The following ADAM18 variants were observed in gnomAD, a reference collection of about 807,000 sequenced individuals.
The protein encoded by ADAM18 is disintegrin and metalloproteinase domain-containing protein 18.
In ADAM18, 117 loss-of-function variants were observed where a neutral mutation model predicts 94.4. The observed-to-expected ratio is 1.24, with a 90% CI of 1.07 to 1.45. The LOEUF (loss-of-function observed/expected upper bound fraction) is 1.45. Ranked by LOEUF, ADAM18 falls within the 40% of genes most tolerant of loss-of-function variation. ADAM18 has a pLI of 0.00. For missense variants in ADAM18, 936 were observed against 880.0 expected (o/e 1.06, Z -0.81); for synonymous variants, 327 against 291.6 (o/e 1.12, Z -1.24).
chr8:39,658,457 T>A (rs552713254), intron 12 of ADAM18, among the ~76,000 whole-genome samples: 1 of 152,240 alleles, frequency 6.6e-6, no homozygotes, highest in Admixed American at 6.5e-5. Context: ...CTTTACTGGC[T>A]TTAAAGATAG....
intron 2 of ADAM18, chr8:39,605,704 ATTTTATTTTAT>A (rs941879282): frequency 4.4e-6 from 1 of 228,390 alleles, no homozygotes; most frequent in African/African-American, 2.3e-5. Context: ...TTTCATTTTT[ATTTTATTTTAT>A]TTTTATTTAT....
At chr8:39,673,566 T>G (rs1329534809) in intron 14 of ADAM18, among the ~76,000 whole-genome samples, 8 of 151,540 alleles carry the variant, frequency 5.3e-5, no homozygotes, top group Admixed American at 6.6e-5. Context: ...GAACATGCAG[T>G]GTCTGGTTTT....
intron 16 of ADAM18, among the ~76,000 whole-genome samples, chr8:39,681,439 C>G (rs1821456158): frequency 1.3e-5 from 2 of 152,106 alleles, no homozygotes. Context: ...GCAGAGAACC[C>G]AGATAAGATG....
intron 6 of ADAM18, among the ~76,000 whole-genome samples, chr8:39,620,765 A>C (rs184051634): frequency 1.3e-5 from 2 of 151,806 alleles, no homozygotes; most frequent in Non-Finnish European, 2.9e-5. Flanking sequence ...AGTCAGACAC[A>C]GAAAGATAAA....
At chr8:39,614,571 A>C (rs1489457164) in intron 6 of ADAM18, among the ~76,000 whole-genome samples, 1 of 152,204 alleles carries the variant, frequency 6.6e-6, no homozygotes, top group African/African-American at 2.4e-5. Flanking sequence ...AATCTTCTTA[A>C]CAGCCAGCTA....
At chr8:39,587,456 T>C (rs575200174) in intron 2 of ADAM18, among the ~76,000 whole-genome samples, 2 of 152,230 alleles carry the variant, frequency 1.3e-5, no homozygotes, top group African/African-American at 4.8e-5. Flanking sequence ...ATTTTATTTA[T>C]TTGTTTGAGA....
At chr8:39,607,238 C>A (rs1819113823) in intron 3 of ADAM18, among the ~76,000 whole-genome samples, 1 of 152,088 alleles carries the variant, frequency 6.6e-6, no homozygotes, top group Non-Finnish European at 1.5e-5. Flanking sequence ...CACGTAAGAG[C>A]CCTCATGTTT....
At chr8:39,630,677 T>A (rs995923707) in intron 7 of ADAM18, among the ~76,000 whole-genome samples, 2 of 151,986 alleles carry the variant, frequency 1.3e-5, no homozygotes, top group African/African-American at 4.8e-5. Context: ...TTGGTGCTAT[T>A]ATGAATAAAA....
chr8:39,601,251 C>T (rs368825027), intron 2 of ADAM18, among the ~76,000 whole-genome samples: 12 of 152,316 alleles, frequency 7.9e-5, no homozygotes, highest in African/African-American at 2.9e-4. Context: ...GGGACACAGA[C>T]CCAAAACATA....
intron 10 of ADAM18, 23 bp from the exon 11 acceptor site, chr8:39,645,315 C>G: frequency 6.4e-7 from 1 of 1,569,778 alleles, no homozygotes. Context: ...TAATAATTTT[C>G]TTTTTCATGT....
intron 14 of ADAM18, among the ~76,000 whole-genome samples, chr8:39,675,191 C>T (rs1821268169): frequency 6.6e-6 from 1 of 152,166 alleles, no homozygotes; most frequent in African/African-American, 2.4e-5. Flanking sequence ...TGGGGAAGTT[C>T]TCCTGCCTAA....
At chr8:39,710,476 A>T (rs947689774) in intron 18 of ADAM18, among the ~76,000 whole-genome samples, 7 of 152,222 alleles carry the variant, frequency 4.6e-5, no homozygotes, top group African/African-American at 1.7e-4. Flanking sequence ...GTATCCAAGA[A>T]GCTAAGTGAA....
chr8:39,673,509 G>A (rs1821213795), intron 14 of ADAM18, among the ~76,000 whole-genome samples: 1 of 131,706 alleles, frequency 7.6e-6, no homozygotes, highest in Non-Finnish European at 1.6e-5. Flanking sequence ...GACGTTCCCC[G>A]CCCTGTGTCC....
intron 18 of ADAM18, among the ~76,000 whole-genome samples, chr8:39,715,947 GC>G (rs1309767339): frequency 6.6e-6 from 1 of 151,940 alleles, no homozygotes; most frequent in Admixed American, 6.6e-5. Context: ...ATTCGATAAT[GC>G]CAGCATCGCC....
chr8:39,727,930 G>A (rs772762661), intron 19 of ADAM18, among the ~76,000 whole-genome samples: 33 of 152,090 alleles, frequency 2.2e-4, no homozygotes, highest in Admixed American at 1.3e-3. Flanking sequence ...GGACTTAATC[G>A]GCTCACAGTT....
intron 17 of ADAM18, among the ~76,000 whole-genome samples, chr8:39,693,708 A>G (rs921169862): frequency 6.6e-6 from 1 of 151,180 alleles, no homozygotes; most frequent in Non-Finnish European, 1.5e-5. Flanking sequence ...ACCTTTTACT[A>G]TGAAATATTA....
chr8:39,672,749 A>G (rs1821189441), intron 14 of ADAM18, among the ~76,000 whole-genome samples: 1 of 152,200 alleles, frequency 6.6e-6, no homozygotes, highest in Admixed American at 6.5e-5. Context: ...ACAACCATTT[A>G]ATCACGTATC....
intron 12 of ADAM18, among the ~76,000 whole-genome samples, chr8:39,662,539 A>G (rs557851253): frequency 6.6e-6 from 1 of 152,356 alleles, no homozygotes; most frequent in East Asian, 1.9e-4. Context: ...AAAAGAGTTA[A>G]GAATATAAAA....
At chr8:39,715,230 T>A (rs7386927) in intron 18 of ADAM18, among the ~76,000 whole-genome samples, 1 of 151,926 alleles carries the variant, frequency 6.6e-6, no homozygotes, top group South Asian at 2.1e-4. Context: ...AAATAACACA[T>A]GGGTTAAAGT....
Sources: gnomAD v4.1 joint callset for allele counts (sites outside exome capture counted in the v4.1 genomes callset) on GRCh38, gnomAD v4.1.1 for gene constraint, MANE v1.5 for transcripts, NCBI Gene and HGNC (gene_info 2026-07-23, HGNC 2026-07-21) for gene names.